The following ABR variants were observed in gnomAD, a reference collection of about 807,000 sequenced individuals.
The protein encoded by ABR is active breakpoint cluster region-related protein.
Under a neutral mutation model 107.2 loss-of-function variants are expected in ABR, and 35 were observed. That is an observed-to-expected ratio of 0.33 (90% CI 0.25 to 0.43). The LOEUF is 0.43. Ranked by LOEUF, ABR falls within the 20% of genes least tolerant of loss-of-function variation. ABR has a pLI of 1.00. For synonymous variants in ABR, 498 were observed against 462.0 expected (o/e 1.08, Z -1.00); for missense variants, 815 against 1,115.2 (o/e 0.73, Z 3.83).
chr17:1,012,622 G>A (rs2070714320), intron 18 of ABR, 66 bp downstream of exon 18: 8 of 1,245,950 alleles, frequency 6.4e-6, no homozygotes, highest in South Asian at 5.1e-5. Flanking sequence ...GGAGGGCTGG[G>A]GGGCCCGGGC....
At chr17:1,096,247 C>T (rs990615439) in intron 3 of ABR, among the ~76,000 whole-genome samples, 19 of 152,156 alleles carry the variant, frequency 1.2e-4, no homozygotes, top group African/African-American at 4.3e-4. Flanking sequence ...TCGTCTGCCC[C>T]GTGTGTGCAC....
intron 3 of ABR, 72 bp from the exon 4 acceptor site, chr17:1,091,922 C>T (rs112437627): frequency 3.1e-5 from 45 of 1,464,716 alleles, no homozygotes; most frequent in Admixed American, 1.9e-4. Flanking sequence ...GCCCCGGGGC[C>T]GATCGTTAGC....
At chr17:1,193,768 G>C (rs2042487640) in intron 1 of ABR, among the ~76,000 whole-genome samples, 1 of 152,116 alleles carries the variant, frequency 6.6e-6, no homozygotes, top group Admixed American at 6.5e-5. Context: ...TCGGCTCACT[G>C]CATCCTCCGC....
chr17:1,064,230 T>C (rs1315500872), intron 10 of ABR, among the ~76,000 whole-genome samples: 17 of 102,348 alleles, frequency 1.7e-4, no homozygotes, highest in South Asian at 4.0e-4. Flanking sequence ...CATGTTCCTC[T>C]AGACGCTGCT....
At chr17:1,205,298 C>A (rs1418281728) in intron 1 of ABR, among the ~76,000 whole-genome samples, 1 of 152,114 alleles carries the variant, frequency 6.6e-6, no homozygotes, top group Non-Finnish European at 1.5e-5. Context: ...CAAATGGGGG[C>A]TAATAATACA....
upstream of ABR, among the ~76,000 whole-genome samples, chr17:1,183,973 G>A (rs976770771): frequency 6.6e-5 from 10 of 152,182 alleles, no homozygotes; most frequent in Admixed American, 6.5e-5. Flanking sequence ...CACTTTGGGA[G>A]GCCGAGATGG....
intron 16 of ABR, among the ~76,000 whole-genome samples, chr17:1,026,492 G>A (rs910905992): frequency 1.1e-4 from 16 of 152,160 alleles, no homozygotes; most frequent in Non-Finnish European, 2.1e-4. Context: ...AGCTGGTTCC[G>A]CTGTCTTGAA....
At chr17:1,041,968 A>G (rs2030602926) in intron 16 of ABR, among the ~76,000 whole-genome samples, 2 of 152,164 alleles carry the variant, frequency 1.3e-5, no homozygotes, top group Non-Finnish European at 2.9e-5. Context: ...GTGTGCTTCA[A>G]CTACAGGAGA....
At chr17:1,226,237 A>G (rs2043211265) in intron 1 of ABR, among the ~76,000 whole-genome samples, 1 of 152,176 alleles carries the variant, frequency 6.6e-6, no homozygotes, top group South Asian at 2.1e-4. Flanking sequence ...TCTGTTGCCA[A>G]CTGCACTAAT....
At chr17:1,185,734 A>G (rs981872294) in intron 1 of ABR, among the ~76,000 whole-genome samples, 11 of 150,790 alleles carry the variant, frequency 7.3e-5, no homozygotes, top group African/African-American at 2.0e-4. Flanking sequence ...TCCTATGAGC[A>G]CTAGCAGAAT....
Position 1,078,318 on chromosome 17 carries a change from C to T in ABR, c.700+1012G>A, listed in dbSNP as rs371793267. On this transcript the variant is annotated intron_variant, in intron 6 of 22. Transcript: ENST00000302538. The surrounding 1 kb of genome is among the most constrained non-coding windows in gnomAD (Gnocchi z 7.5). The stretch of plus-strand genomic sequence containing the variant: ...GTGCGCGGAGCACACAATACCGTGC[C>T]GCCCAGCCTCCGCGCCTCTCTCCAG... Among the ~76,000 whole-genome samples the T allele has an allele frequency of 6.6e-6, 1 of 152,136 alleles. No homozygotes were observed. The highest frequency in any genetic ancestry group is 1.5e-5 in the Non-Finnish European group (1 of 68,014).
chr17:1,144,009 C>T (rs548667359), intron 1 of ABR, among the ~76,000 whole-genome samples: 5 of 152,142 alleles, frequency 3.3e-5, no homozygotes, highest in South Asian at 2.1e-4. Context: ...CCCTTTGACA[C>T]GGGGGAAAAC....
intron 1 of ABR, among the ~76,000 whole-genome samples, chr17:1,128,146 G>T (rs1235101469): frequency 6.6e-6 from 1 of 152,156 alleles, no homozygotes; most frequent in South Asian, 2.1e-4. Context: ...ACATTTCCAG[G>T]GCCTTCCCCT....
chr17:1,025,439 G>A (rs1198953179), intron 16 of ABR, among the ~76,000 whole-genome samples: 3 of 152,244 alleles, frequency 2.0e-5, no homozygotes, highest in Admixed American at 1.3e-4. Flanking sequence ...AAAACATATC[G>A]TCACAGAACT....
At chr17:1,125,503 G>C in intron 1 of ABR, 136 bp from the exon 2 acceptor site, 2 of 869,206 alleles carry the variant, frequency 2.3e-6, no homozygotes, top group Non-Finnish European at 3.3e-6. Context: ...CCGGGCGGGG[G>C]CTGTGCGGGG....
chr17:1,142,995 A>ACAGCTCGCTCCTGGGGG (rs2040357501), intron 1 of ABR, among the ~76,000 whole-genome samples: 8 of 123,888 alleles, frequency 6.5e-5, no homozygotes, highest in African/African-American at 2.4e-4. Context: ...CTCCTGGGGG[A>ACAGCTCGCTCCTGGGGG]CAGCTCATTC....
At chr17:1,191,308 C>T (rs1047077276), upstream of ABR, among the ~76,000 whole-genome samples, 1 of 152,080 alleles carries the variant, frequency 6.6e-6, no homozygotes, top group Non-Finnish European at 1.5e-5. Context: ...CAGCTTCTCA[C>T]CCCCGCCTAG....
intron 3 of ABR, among the ~76,000 whole-genome samples, chr17:1,097,224 C>A (rs372193045): frequency 1.3e-5 from 2 of 152,286 alleles, no homozygotes; most frequent in African/African-American, 2.4e-5. Context: ...GCAGAAACCA[C>A]GAAGCCCTAA....
At chr17:1,120,635 G>C (rs1328402559) in intron 2 of ABR, among the ~76,000 whole-genome samples, 2 of 152,124 alleles carry the variant, frequency 1.3e-5, no homozygotes, top group Non-Finnish European at 2.9e-5. Flanking sequence ...CTGCAGGCTG[G>C]AGTCTAATCC....
Sources: gnomAD v4.1 joint callset for allele counts (sites outside exome capture counted in the v4.1 genomes callset) on GRCh38, gnomAD v4.1.1 for gene constraint, Gnocchi (gnomAD v3.1) non-coding constraint, MANE v1.5 for transcripts, NCBI Gene and HGNC (gene_info 2026-07-23, HGNC 2026-07-21) for gene names.